Variants in LDLRAD3 observed in about 807,000 individuals in gnomAD.
The protein encoded by LDLRAD3 is low-density lipoprotein receptor class A domain-containing protein 3.
In LDLRAD3, 20 loss-of-function variants were observed where a neutral mutation model predicts 29.4. The ratio of observed to expected loss-of-function variants is 0.68; its 90% CI spans 0.48 to 0.99. The LOEUF is 0.99. Among genes scored for constraint, LDLRAD3 ranks in the 50% least tolerant of loss-of-function variants. The pLI, the probability that LDLRAD3 is intolerant of heterozygous loss-of-function variation, is 0.00. For missense variants in LDLRAD3, 420 were observed against 454.3 expected, an observed-to-expected ratio of 0.92 and a Z score of 0.69; for synonymous variants, 157 against 192.7, an observed-to-expected ratio of 0.81 and a Z score of 1.53.
At chr11:36,106,643 C>T (rs780318845) in intron 4 of LDLRAD3, among the ~76,000 whole-genome samples, 3 of 152,190 alleles carry the variant, frequency 2.0e-5, no homozygotes, top group Admixed American at 1.3e-4. Flanking sequence ...GTCCTGCATC[C>T]GTGATGACCA....
At chr11:36,130,036 G>A (rs1182939326) in intron 4 of LDLRAD3, among the ~76,000 whole-genome samples, 3 of 152,160 alleles carry the variant, frequency 2.0e-5, no homozygotes, top group Admixed American at 6.5e-5. Flanking sequence ...ACTCAGGAGG[G>A]GCTCAGTCAA....
chr11:36,204,393 G>C (rs80075285), intron 4 of LDLRAD3, among the ~76,000 whole-genome samples: 25 of 152,262 alleles, frequency 1.6e-4, no homozygotes, highest in African/African-American at 6.0e-4. Context: ...ACAGTTCCAG[G>C]CTTGGTCCTT....
At position 36,139,304 on chromosome 11, in the gene LDLRAD3, C is replaced by A. The variant is rs139198131; in HGVS notation, c.454+40843C>A. Among the ~76,000 whole-genome samples the A allele has an allele frequency of 9.5e-4, 145 of 152,338 alleles. 1 individual carries two copies. In the East Asian group the frequency reaches 0.019, roughly 20 times the overall value. Reference sequence around the variant, plus strand: ...ACCCAACTTAACATCCTGCCTTCTCCATGAAGACTTCAGTTCCAGTCCGCA... The same window carrying A: ...ACCCAACTTAACATCCTGCCTTCTCAATGAAGACTTCAGTTCCAGTCCGCA... On this transcript the variant is annotated intron_variant, in intron 4 of 5. Coordinates refer to ENST00000315571, the MANE Select transcript of LDLRAD3 (RefSeq NM_174902.4).
chr11:36,067,524 G>A (rs1194516549), intron 2 of LDLRAD3, among the ~76,000 whole-genome samples: 1 of 152,146 alleles, frequency 6.6e-6, no homozygotes, highest in Non-Finnish European at 1.5e-5. Flanking sequence ...CAACAACTGA[G>A]CAAGGTTGGT....
intron 1 of LDLRAD3, among the ~76,000 whole-genome samples, chr11:36,005,272 A>G (rs1289239158): frequency 6.6e-6 from 1 of 152,232 alleles, no homozygotes; most frequent in Non-Finnish European, 1.5e-5. Flanking sequence ...ACTTTTAGAA[A>G]CAGCCAGGTC....
At chr11:35,983,891 C>T (rs1003811379) in intron 1 of LDLRAD3, among the ~76,000 whole-genome samples, 4 of 152,264 alleles carry the variant, frequency 2.6e-5, no homozygotes, top group Admixed American at 2.6e-4. Context: ...TCCCAAAGTG[C>T]TGGGATTACA....
chr11:35,993,987 C>A (rs1851720751), intron 1 of LDLRAD3, among the ~76,000 whole-genome samples: 1 of 152,102 alleles, frequency 6.6e-6, no homozygotes, highest in Non-Finnish European at 1.5e-5. Flanking sequence ...GTTTTCTTTT[C>A]TCCCACCCCT....
intron 1 of LDLRAD3, among the ~76,000 whole-genome samples, chr11:36,035,106 A>G (rs60761140): frequency 0.018 from 2,789 of 152,162 alleles, 77 homozygotes; most frequent in African/African-American, 0.064. Context: ...CTGGTCATAA[A>G]TGTCCAGTAA....
At position 36,155,780 on chromosome 11, in the gene LDLRAD3, C is replaced by T. The variant is rs193183179; in HGVS notation, c.454+57319C>T. 5.8e-3 allele frequency among the ~76,000 whole-genome samples: 887 copies of T among 152,200 alleles called. 7 individuals carry two copies. The highest frequency in any genetic ancestry group is 7.1e-3 in the Non-Finnish European group (480 of 68,008). On this transcript the variant is annotated intron_variant, in intron 4 of 5. Coordinates refer to ENST00000315571, the MANE Select transcript of LDLRAD3 (RefSeq NM_174902.4). ...GTACCCGCCTGGCTCATAGTAGGTG[C>T]GTAGCAAGATTTTTTTCAATGGAAA... is the stretch of plus-strand genomic sequence containing the variant.
intron 1 of LDLRAD3, among the ~76,000 whole-genome samples, chr11:35,973,879 T>G (rs971816718): frequency 2.6e-5 from 4 of 152,224 alleles, no homozygotes; most frequent in Non-Finnish European, 5.9e-5. Flanking sequence ...TGCTTTTCAA[T>G]CAAGTGTGTT....
At chr11:36,005,756 A>G (rs1053887035) in intron 1 of LDLRAD3, among the ~76,000 whole-genome samples, 3 of 152,284 alleles carry the variant, frequency 2.0e-5, no homozygotes, top group Admixed American at 6.5e-5. Context: ...ATTTACTCTC[A>G]ATTCTGCAAG....
intron 4 of LDLRAD3, among the ~76,000 whole-genome samples, chr11:36,110,525 G>A (rs1853591077): frequency 6.6e-6 from 1 of 152,188 alleles, no homozygotes; most frequent in Non-Finnish European, 1.5e-5. Flanking sequence ...AGACTGCTGT[G>A]TTGTGCTGCT....
At chr11:36,207,097 T>C (rs2133378662) in intron 4 of LDLRAD3, among the ~76,000 whole-genome samples, 1 of 152,316 alleles carries the variant, frequency 6.6e-6, no homozygotes, top group South Asian at 2.1e-4. Context: ...TTCTGTCTGC[T>C]GGAACTGTGG....
intron 1 of LDLRAD3, among the ~76,000 whole-genome samples, chr11:35,959,785 C>T (rs1395750254): frequency 2.0e-5 from 3 of 151,888 alleles, no homozygotes; most frequent in East Asian, 1.9e-4. Flanking sequence ...AAAAATTAGC[C>T]GGGCATGGTA....
intron 1 of LDLRAD3, among the ~76,000 whole-genome samples, chr11:36,032,243 T>A (rs550555760): frequency 6.6e-6 from 1 of 152,206 alleles, no homozygotes; most frequent in East Asian, 1.9e-4. Flanking sequence ...GTTACACAGA[T>A]GAAAGGTAGG....
chr11:36,023,247 G>A (rs1852120815), intron 1 of LDLRAD3, among the ~76,000 whole-genome samples: 1 of 152,178 alleles, frequency 6.6e-6, no homozygotes, highest in Non-Finnish European at 1.5e-5. Context: ...GAGACATGAT[G>A]GAAGATTATG....
intron 2 of LDLRAD3, among the ~76,000 whole-genome samples, chr11:36,057,304 A>G (rs1852635958): frequency 6.6e-6 from 1 of 152,156 alleles, no homozygotes; most frequent in Admixed American, 6.5e-5. Context: ...CCAGAAGCCC[A>G]CTTGTATCCT....
chr11:36,054,083 A>G lies in LDLRAD3; in HGVS notation c.193+17834A>G, dbSNP rs566028156. On this transcript the variant is annotated intron_variant, in intron 2 of 5. Transcript: ENST00000315571. Reference sequence around the variant, plus strand: ...TGAAAACAATGCATATGTGAAACACACTTTCCCTGCGCTCTCTGTTTAATA... The same window carrying G: ...TGAAAACAATGCATATGTGAAACACGCTTTCCCTGCGCTCTCTGTTTAATA... 7.9e-5 allele frequency among the ~76,000 whole-genome samples: 12 copies of G among 152,330 alleles called. 1 individual carries two copies. In the South Asian group the frequency reaches 2.5e-3, roughly 32 times the overall value.
intron 4 of LDLRAD3, among the ~76,000 whole-genome samples, chr11:36,216,674 C>T (rs1855357043): frequency 6.6e-6 from 1 of 152,112 alleles, no homozygotes; most frequent in Admixed American, 6.5e-5. Flanking sequence ...CTGTACCTTC[C>T]CTCCAAACAG....
Sources: allele counts gnomAD v4.1 joint callset (sites outside exome capture counted in the v4.1 genomes callset), GRCh38; gene constraint gnomAD v4.1.1; transcripts MANE v1.5; gene names NCBI Gene and HGNC (gene_info 2026-07-23, HGNC 2026-07-21).